The following NRG3 variants were observed in gnomAD, a reference collection of about 807,000 sequenced individuals.
NRG3 encodes neuregulin 3, also known as pro-neuregulin-3, membrane-bound isoform.
In NRG3, 31 loss-of-function variants were observed where a neutral mutation model predicts 66.9. That is an observed-to-expected ratio of 0.46 (90% CI 0.35 to 0.63). The LOEUF is 0.63. NRG3 is among the 20% of genes least tolerant of loss of function. NRG3 has a pLI of 0.00. For synonymous variants in NRG3, 393 were observed against 359.4 expected, an observed-to-expected ratio of 1.09 and a Z score of -1.06; for missense variants, 910 against 878.9, an observed-to-expected ratio of 1.04 and a Z score of -0.45.
intron 1 of NRG3, among the ~76,000 whole-genome samples, chr10:81,936,169 A>T (rs1311175489): frequency 7.9e-5 from 12 of 152,156 alleles, no homozygotes; most frequent in Admixed American, 6.5e-4. Context: ...CCTGGGGAAA[A>T]AACTGAAATG....
At chr10:82,973,941 G>A in intron 7 of NRG3, 26 bp downstream of exon 7, 1 of 1,613,228 alleles carries the variant, frequency 6.2e-7, no homozygotes, top group Non-Finnish European at 8.5e-7. Flanking sequence ...CATGGTGGGT[G>A]TGGGCACCTT....
At chr10:82,392,490 G>A (rs1465177393) in intron 2 of NRG3, among the ~76,000 whole-genome samples, 3 of 152,120 alleles carry the variant, frequency 2.0e-5, no homozygotes, top group African/African-American at 7.2e-5. Context: ...GGAGTCTGGC[G>A]ATAAATTACT....
chr10:82,783,397 G>T (rs1181599203), intron 3 of NRG3, among the ~76,000 whole-genome samples: 1 of 151,414 alleles, frequency 6.6e-6, no homozygotes, highest in African/African-American at 2.4e-5. Flanking sequence ...TATTCAATTA[G>T]GAAAAGAGGA....
At chr10:82,379,530 G>T (rs1305317358) in intron 2 of NRG3, among the ~76,000 whole-genome samples, 1 of 152,018 alleles carries the variant, frequency 6.6e-6, no homozygotes, top group African/African-American at 2.4e-5. Context: ...TGCTTTACTG[G>T]ACTATTATGA....
At chr10:81,895,585 T>C (rs1326924098) in intron 1 of NRG3, among the ~76,000 whole-genome samples, 1 of 152,220 alleles carries the variant, frequency 6.6e-6, no homozygotes, top group Non-Finnish European at 1.5e-5. Flanking sequence ...ATAGTTGTTT[T>C]TCTTTTGATC....
chr10:82,403,503 G>A (rs1239565307), intron 2 of NRG3, among the ~76,000 whole-genome samples: 2 of 152,158 alleles, frequency 1.3e-5, no homozygotes, highest in Admixed American at 6.6e-5. Flanking sequence ...CTTGAAAAGG[G>A]CATACATATT....
At chr10:82,851,708 A>G (rs2063568101) in intron 3 of NRG3, among the ~76,000 whole-genome samples, 1 of 149,394 alleles carries the variant, frequency 6.7e-6, no homozygotes. Context: ...CACCTTGAAC[A>G]AAAGTTCGAA....
chr10:82,849,611 A>T (rs2063471591), intron 3 of NRG3, among the ~76,000 whole-genome samples: 1 of 152,198 alleles, frequency 6.6e-6, no homozygotes, highest in South Asian at 2.1e-4. Flanking sequence ...CTCTGATAAG[A>T]TGCCATCAGG....
intron 1 of NRG3, among the ~76,000 whole-genome samples, chr10:82,012,504 C>T (rs560160920): frequency 6.6e-6 from 1 of 152,300 alleles, no homozygotes; most frequent in East Asian, 1.9e-4. Context: ...TGAATTTCTC[C>T]TCAGAAAATG....
chr10:82,731,211 A>G (rs188523804), intron 2 of NRG3, among the ~76,000 whole-genome samples: 2 of 152,118 alleles, frequency 1.3e-5, no homozygotes, highest in East Asian at 1.9e-4. Context: ...TACTAAAAAT[A>G]CAAAACTTAG....
chr10:81,983,987 AAAG>A (rs1393475848), intron 1 of NRG3, among the ~76,000 whole-genome samples: 1 of 152,218 alleles, frequency 6.6e-6, no homozygotes, highest in African/African-American at 2.4e-5. Context: ...AAGAAGGTTC[AAAG>A]AAGAAGAGAA....
At chr10:82,845,993 G>T (rs2063292047) in intron 3 of NRG3, among the ~76,000 whole-genome samples, 1 of 152,120 alleles carries the variant, frequency 6.6e-6, no homozygotes, top group Admixed American at 6.6e-5. Context: ...AGCTGATTCT[G>T]ATACAGATTG....
intron 1 of NRG3, among the ~76,000 whole-genome samples, chr10:82,159,917 G>A (rs2071456112): frequency 6.6e-6 from 1 of 151,866 alleles, no homozygotes; most frequent in Admixed American, 6.6e-5. Context: ...AAAGAGTCCT[G>A]GAATGAATGG....
At chr10:81,877,645 ACTTTG>A (rs1167700640) in intron 1 of NRG3, 4 of 1,206,694 alleles carry the variant, frequency 3.3e-6, no homozygotes, top group Non-Finnish European at 4.1e-6. Context: ...AAGCAAACCT[ACTTTG>A]CTTTGGAAAA....
chr10:82,785,360 T>A (rs1161677552), intron 3 of NRG3, among the ~76,000 whole-genome samples: 4 of 149,538 alleles, frequency 2.7e-5, no homozygotes, highest in African/African-American at 9.8e-5. Flanking sequence ...ATAATAATAA[T>A]AAAAAAATTA....
chr10:81,919,362 T>C (rs894913429), intron 1 of NRG3, among the ~76,000 whole-genome samples: 7 of 152,324 alleles, frequency 4.6e-5, no homozygotes, highest in Admixed American at 3.9e-4. Context: ...CTCTTAAACC[T>C]CTTTGAACGT....
intron 2 of NRG3, among the ~76,000 whole-genome samples, chr10:82,449,611 T>A (rs948137074): frequency 6.6e-6 from 1 of 152,122 alleles, no homozygotes; most frequent in Non-Finnish European, 1.5e-5. Flanking sequence ...ATTCTTGCAT[T>A]TGTCTCTACT....
At chr10:82,141,230 T>C (rs1242077405) in intron 1 of NRG3, among the ~76,000 whole-genome samples, 1 of 152,186 alleles carries the variant, frequency 6.6e-6, no homozygotes, top group African/African-American at 2.4e-5. Context: ...TTCACATACC[T>C]ACTCTCCATT....
chr10:82,398,154 G>C (rs926542448), intron 2 of NRG3, among the ~76,000 whole-genome samples: 1 of 152,026 alleles, frequency 6.6e-6, no homozygotes, highest in African/African-American at 2.4e-5. Context: ...TTGGATCTTA[G>C]AACTAACAGA....
Sources: allele counts gnomAD v4.1 joint callset (sites outside exome capture counted in the v4.1 genomes callset), GRCh38; gene constraint gnomAD v4.1.1; transcripts MANE v1.5; gene names NCBI Gene and HGNC (gene_info 2026-07-23, HGNC 2026-07-21).